ASMTL: variants seen among roughly 807,000 people sequenced by gnomAD.
ASMTL encodes the protein acetylserotonin O-methyltransferase like.
Under a neutral mutation model 60.3 loss-of-function variants are expected in ASMTL, and 57 were observed. The ratio of observed to expected loss-of-function variants is 0.95; its 90% CI spans 0.76 to 1.18. The LOEUF is 1.18. ASMTL is among the 50% of genes most tolerant of loss of function. ASMTL has a pLI of 0.00. For missense variants in ASMTL, 981 were observed against 852.6 expected (o/e 1.15, Z -1.88); for synonymous variants, 419 against 373.0 (o/e 1.12, Z -1.42).
chrX:1,423,227 C>T (rs2090526241), intron 8 of ASMTL, among the ~76,000 whole-genome samples: 1 of 152,196 alleles, frequency 6.6e-6, no homozygotes, highest in Non-Finnish European at 1.5e-5. Context: ...GCTGGGATTA[C>T]AGGCGTGGCC....
At chrX:1,415,261 G>A (rs146414482) in intron 11 of ASMTL, among the ~76,000 whole-genome samples, 2,923 of 152,176 alleles carry the variant, frequency 0.019, 94 homozygotes, top group African/African-American at 0.067. Flanking sequence ...GCTGCCACCT[G>A]GAAGTTCTCC....
intron 5 of ASMTL, among the ~76,000 whole-genome samples, chrX:1,433,661 T>C (rs747271042): frequency 7.3e-4 from 109 of 150,290 alleles, no homozygotes; most frequent in Middle Eastern, 6.9e-3. Flanking sequence ...GCCTGGGCGA[T>C]AAAGCGAGAC....
In ASMTL at chrX:1,406,542, G is replaced by A. The variant is rs779521117; in HGVS notation, c.1646-3053C>T. Among the ~76,000 whole-genome samples, 381 of 149,960 alleles carry A rather than the reference G, an allele frequency of 2.5e-3. 1 individual carries two copies. The highest frequency in any genetic ancestry group is 0.01 in the Middle Eastern group (3 of 286). ...TGCTTGAATAGATGGTAGATGATGG[G>A]TAGGTAGGTGGATGGATGGATGGAT... is the stretch of plus-strand genomic sequence containing the variant. On this transcript the variant is annotated intron_variant, in intron 12 of 12. Transcript: ENST00000381317.
At chrX:1,425,892 T>C (rs528345404) in intron 7 of ASMTL, among the ~76,000 whole-genome samples, 17 of 152,244 alleles carry the variant, frequency 1.1e-4, no homozygotes, top group African/African-American at 4.1e-4. Flanking sequence ...CATCAACGAA[T>C]ATCATGCAGA....
At chrX:1,417,926 G>A in intron 11 of ASMTL, 47 bp downstream of exon 11, 4 of 1,563,066 alleles carry the variant, frequency 2.6e-6, no homozygotes, top group Non-Finnish European at 3.5e-6. Context: ...AGAAAGAGAT[G>A]CTGCAGTCTG....
At chrX:1,418,302 G>C (rs1183095726) in intron 10 of ASMTL, 186 bp from the exon 11 acceptor site, 1 of 219,256 alleles carries the variant, frequency 4.6e-6, no homozygotes. Flanking sequence ...GTGAGTGTGG[G>C]GGCACAGACC....
At chrX:1,449,697 TACCC>T (rs1190250628) in intron 1 of ASMTL, among the ~76,000 whole-genome samples, 4 of 102,510 alleles carry the variant, frequency 3.9e-5, no homozygotes, top group African/African-American at 1.3e-4. Context: ...ACCCAGTAAC[TACCC>T]CCCATCACCA....
rs867253176 is a variant in ASMTL, at chrX:1,405,385, T to C, written c.1646-1896A>G. Among the ~76,000 whole-genome samples, 506 of 137,702 alleles carry C rather than the reference T, an allele frequency of 3.7e-3. 3 individuals are homozygous for C. The highest frequency in any genetic ancestry group is 0.013 in the African/African-American group (476 of 35,584). 90.3% of individuals were successfully genotyped at this position (137,702 alleles called of 152,430 possible). On this transcript the variant is annotated intron_variant, in intron 12 of 12. Coordinates refer to ENST00000381317, the MANE Select transcript of ASMTL (RefSeq NM_004192.4). ...TGAGATGGATGGATGGGTGAATAGG[T>C]AGGTAGGTAGATAGATGGATGTATA...
chrX:1,428,361 G>T (rs181443740), intron 6 of ASMTL, among the ~76,000 whole-genome samples: 215 of 151,828 alleles, frequency 1.4e-3, no homozygotes, highest in African/African-American at 5.0e-3. Flanking sequence ...TCACAGCAAG[G>T]CTGGGCGCAA....
Position 1,419,046 on chromosome X carries a change from C to T in ASMTL, c.1314G>A (p.Leu438=). ...FMRAMHGMTK[L]TACQVATAFN... is the part of the protein sequence containing the mutation. ...AGGCCGTGGCCACCTGGCACGCAGT[C>T]AGCTTCGTCATGCCGTGCATGGCCC... is the stretch of plus-strand genomic sequence containing the variant. Residue 438 remains leucine (L), a synonymous_variant, in exon 10 of 13, where the codon CTG becomes CTA. Coordinates refer to ENST00000381317, the MANE Select transcript of ASMTL (RefSeq NM_004192.4). 1 of 1,611,580 alleles carries T rather than the reference C, an allele frequency of 6.2e-7. No individual in the cohort carries two copies. Among genetic ancestry groups the T allele is most frequent in the Non-Finnish European group, 8.5e-7 (1 of 1,179,664 alleles).
At chrX:1,419,150 C>G (rs774938654) in intron 9 of ASMTL, 36 bp from the exon 10 acceptor site, 5 of 1,606,260 alleles carry the variant, frequency 3.1e-6, no homozygotes, top group Non-Finnish European at 4.2e-6. Context: ...CACCAGAGAA[C>G]ACGGGGCGAG....
chrX:1,416,556 C>T (rs1355952943), intron 11 of ASMTL, among the ~76,000 whole-genome samples: 1 of 90,238 alleles, frequency 1.1e-5, no homozygotes, highest in Non-Finnish European at 2.8e-5. Flanking sequence ...CACAGAGATA[C>T]CCCAACAGGC....
intron 9 of ASMTL, 173 bp from the exon 10 acceptor site, chrX:1,419,287 T>G: frequency 3.9e-6 from 1 of 253,582 alleles, no homozygotes; most frequent in Non-Finnish European, 6.2e-6. Flanking sequence ...CTTGTCTGTG[T>G]GGGGGCTGGG....
intron 1 of ASMTL, among the ~76,000 whole-genome samples, chrX:1,446,117 A>G (rs1260122238): frequency 1.3e-5 from 2 of 152,162 alleles, no homozygotes; most frequent in Non-Finnish European, 2.9e-5. Flanking sequence ...AGCAGGAGCA[A>G]ATTAGTGAAA....
chrX:1,404,456 GGGTA>G (rs1466699572), intron 12 of ASMTL, among the ~76,000 whole-genome samples: 2 of 150,710 alleles, frequency 1.3e-5, no homozygotes, highest in Non-Finnish European at 3.0e-5. Flanking sequence ...GTGAATAGAT[GGGTA>G]GGTAGGTAGA....
chrX:1,420,428 A>G (rs1380433213), intron 9 of ASMTL, among the ~76,000 whole-genome samples: 6 of 152,010 alleles, frequency 3.9e-5, no homozygotes, highest in African/African-American at 1.4e-4. Context: ...ATCTGCAGGA[A>G]GCCCCCGGCT....
intron 2 of ASMTL, among the ~76,000 whole-genome samples, chrX:1,441,340 G>C (rs1401902625): frequency 1.3e-5 from 2 of 152,122 alleles, no homozygotes; most frequent in African/African-American, 4.8e-5. Flanking sequence ...GCAGTGGGAT[G>C]ATCTCGGCTC....
chrX:1,414,699 C>T (rs1295331414), intron 11 of ASMTL, among the ~76,000 whole-genome samples: 2 of 152,108 alleles, frequency 1.3e-5, no homozygotes, highest in African/African-American at 4.8e-5. Flanking sequence ...CAGAGCGAGA[C>T]ACCATTCAAA....
chrX:1,449,027 A>C (rs1163270255), intron 1 of ASMTL, among the ~76,000 whole-genome samples: 12 of 152,146 alleles, frequency 7.9e-5, no homozygotes, highest in Admixed American at 7.9e-4. Flanking sequence ...AAACATCCCA[A>C]GCCCAAGATA....
Sources: allele counts gnomAD v4.1 joint callset (sites outside exome capture counted in the v4.1 genomes callset), GRCh38; gene constraint gnomAD v4.1.1; transcripts MANE v1.5; gene names NCBI Gene and HGNC (gene_info 2026-07-23, HGNC 2026-07-21).